PSME4: variants seen among roughly 807,000 people sequenced by gnomAD.
PSME4 encodes proteasome activator subunit 4.
Under a neutral mutation model 253.9 loss-of-function variants are expected in PSME4, and 89 were observed. The ratio of observed to expected loss-of-function variants is 0.35; its 90% CI spans 0.30 to 0.42. The LOEUF (loss-of-function observed/expected upper bound fraction) is 0.42. Ranked by LOEUF, PSME4 falls within the 10% of genes least tolerant of loss-of-function variation. The probability of loss-of-function intolerance (pLI) is 1.00; values close to 1 mark genes in which losing one functional copy is unlikely to be tolerated. For synonymous variants in PSME4, 851 were observed against 759.2 expected (o/e 1.12, Z -1.99); for missense variants, 2,014 against 2,195.2 (o/e 0.92, Z 1.65).
intron 20 of PSME4, among the ~76,000 whole-genome samples, chr2:53,911,998 A>T (rs901071338): frequency 2.6e-5 from 4 of 152,230 alleles, no homozygotes; most frequent in Non-Finnish European, 5.9e-5. Flanking sequence ...TGACTACTTT[A>T]AAAAATCCTG....
rs111950466 is a variant in PSME4, at chr2:53,958,604, A to G, written c.243-9321T>C. ...CCCAAGAGGCGCTTCCTTTAAAGTC[A>G]GATTCAGGACAATAATGACTATTCT... On this transcript the variant is annotated intron_variant, in intron 1 of 46. Transcript: ENST00000404125. Among the ~76,000 whole-genome samples the G allele has an allele frequency of 7.4e-3, 1,121 of 152,322 alleles. 23 individuals are homozygous for G. The highest frequency in any genetic ancestry group is 0.026 in the African/African-American group (1,067 of 41,562).
intron 42 of PSME4, among the ~76,000 whole-genome samples, chr2:53,875,352 T>G (rs1035528714): frequency 6.6e-6 from 1 of 152,204 alleles, no homozygotes; most frequent in Non-Finnish European, 1.5e-5. Context: ...ACCATCCACC[T>G]TCCTCATAAG....
chr2:53,925,517 T>C (rs1371480596), intron 14 of PSME4, 22 bp downstream of exon 14: 1 of 1,487,630 alleles, frequency 6.7e-7, no homozygotes. Flanking sequence ...TGGAAGTTTA[T>C]TTTTTGCAGC....
chr2:53,883,431 T>C (rs1323949740), intron 41 of PSME4, among the ~76,000 whole-genome samples: 4 of 152,096 alleles, frequency 2.6e-5, no homozygotes, highest in Admixed American at 6.6e-5. Context: ...GCCCAGGAGA[T>C]TGACGCTGCA....
intron 43 of PSME4, among the ~76,000 whole-genome samples, chr2:53,872,741 C>CAAAAAAAAAAAAAAA (rs61308177): frequency 2.1e-5 from 1 of 48,006 alleles, no homozygotes; most frequent in African/African-American, 7.9e-5. Flanking sequence ...GACTTGGTCT[C>CAAAAAAAAAAAAAAA]AAAAAAAAAA....
chr2:53,935,107 G>A (rs918321493), intron 7 of PSME4, among the ~76,000 whole-genome samples: 2 of 152,138 alleles, frequency 1.3e-5, no homozygotes, highest in African/African-American at 4.8e-5. Flanking sequence ...CCTATTCCAT[G>A]TCAAGCATGC....
rs1669825617 is a variant in PSME4 at position 53,948,412 on chromosome 2, A to C, written c.500+9T>G. 1.3e-6 allele frequency: 2 copies of C among 1,559,798 alleles called. No individual in the cohort carries two copies. Among genetic ancestry groups the C allele is most frequent in the African/African-American group, 1.4e-5 (1 of 73,802 alleles). ...CTCCCAAATAAGTGCTTTAAATGGAAATACTTACTTAGGAAACCAATTTAA... is the reference window on the plus strand; with the variant it reads ...CTCCCAAATAAGTGCTTTAAATGGACATACTTACTTAGGAAACCAATTTAA... On this transcript the variant is annotated intron_variant, in intron 3 of 46. Coordinates refer to ENST00000404125, the MANE Select transcript of PSME4 (RefSeq NM_014614.3).
At chr2:53,915,661 A>G (rs923456162) in intron 20 of PSME4, among the ~76,000 whole-genome samples, 8 of 152,178 alleles carry the variant, frequency 5.3e-5, no homozygotes, top group Non-Finnish European at 7.3e-5. Context: ...TTCTTCCAGA[A>G]GACAAAGACT....
At chr2:53,893,482 A>G (rs1424940958) in intron 35 of PSME4, among the ~76,000 whole-genome samples, 192 bp downstream of exon 35, 3 of 152,186 alleles carry the variant, frequency 2.0e-5, no homozygotes, top group Non-Finnish European at 4.4e-5. Context: ...TATTAATGCT[A>G]TGTCAATACT....
At chr2:53,893,031 T>C in intron 35 of PSME4, 71 bp from the exon 36 acceptor site, 2 of 1,426,624 alleles carry the variant, frequency 1.4e-6, no homozygotes, top group Non-Finnish European at 1.9e-6. Flanking sequence ...CTTGTAATTA[T>C]TCTGTACATT....
chr2:53,927,397 T>C lies in PSME4; in HGVS notation c.1590A>G (p.Thr530=). The part of the protein sequence containing the change: ...SSVLQERNDL[T]EVERELCSAT... ...TATAACCATAAAATACCCTTACTTC[T>C]GTGAGGTCATTTCTTTCTTGTAGTA... Residue 530 remains threonine (T), a synonymous_variant, in exon 12 of 47, where the codon ACA becomes ACG. Coordinates refer to ENST00000404125, the MANE Select transcript of PSME4 (RefSeq NM_014614.3). The C allele has an allele frequency of 6.4e-7, 1 of 1,555,266 alleles. No homozygotes were observed. The highest frequency in any genetic ancestry group is 2.2e-5 in the East Asian group (1 of 44,548).
chr2:53,897,762 C>T, intron 31 of PSME4, 108 bp downstream of exon 31: 1 of 1,278,488 alleles, frequency 7.8e-7, no homozygotes. Flanking sequence ...AATCAATACA[C>T]TTCAAGATAT....
At chr2:53,936,703 TG>T (rs953947866) in intron 6 of PSME4, 60 bp downstream of exon 6, 62 of 1,167,682 alleles carry the variant, frequency 5.3e-5, no homozygotes, top group African/African-American at 4.2e-4. Context: ...TAAAAAAGTA[TG>T]GGGGGGAAAA....
chr2:53,868,531 A>C (rs28694200), intron 44 of PSME4, among the ~76,000 whole-genome samples: 7 of 55,458 alleles, frequency 1.3e-4, no homozygotes, highest in Non-Finnish European at 1.5e-4. Flanking sequence ...TAATATATAT[A>C]ATATATATTA....
rs949785632 is a variant in PSME4, at chr2:53,937,954, T to C, written c.546-414A>G. Among the ~76,000 whole-genome samples, 5 of 151,532 alleles carry C rather than the reference T, an allele frequency of 3.3e-5. No homozygotes were observed. The East Asian group carries it at 7.7e-4, about 23-fold the overall frequency. ...GTTGCAGTGAGCCAAGACTGCACCA[T>C]TGCACTCCAGCCTGGGCAACAGAGT... On this transcript the variant is annotated intron_variant, in intron 4 of 46. Coordinates refer to ENST00000404125, the MANE Select transcript of PSME4 (RefSeq NM_014614.3).
At chr2:53,961,427 G>C (rs917908154) in intron 1 of PSME4, among the ~76,000 whole-genome samples, 6 of 152,156 alleles carry the variant, frequency 3.9e-5, no homozygotes, top group African/African-American at 1.4e-4. Flanking sequence ...CCAGCACTTT[G>C]GGAGGGCGAG....
At chr2:53,868,084 G>A (rs1034125047) in intron 44 of PSME4, among the ~76,000 whole-genome samples, 12 of 151,996 alleles carry the variant, frequency 7.9e-5, no homozygotes, top group Non-Finnish European at 1.0e-4. Context: ...AAGAGAATTT[G>A]GACTGGTCAA....
intron 26 of PSME4, among the ~76,000 whole-genome samples, chr2:53,905,297 T>C (rs751248900): frequency 6.6e-5 from 10 of 152,096 alleles, no homozygotes; most frequent in Non-Finnish European, 1.3e-4. Context: ...CCCACAGTGT[T>C]GGGATTACAG....
intron 1 of PSME4, among the ~76,000 whole-genome samples, chr2:53,955,677 T>G (rs911750711): frequency 1.3e-5 from 2 of 152,076 alleles, no homozygotes; most frequent in East Asian, 3.8e-4. Context: ...ATCCAAGCAC[T>G]TTCGGAGGCC....
Sources: gnomAD v4.1 joint callset for allele counts (sites outside exome capture counted in the v4.1 genomes callset) on GRCh38, gnomAD v4.1.1 for gene constraint, MANE v1.5 for transcripts, NCBI Gene and HGNC (gene_info 2026-07-23, HGNC 2026-07-21) for gene names.